Variants in COL11A2 observed in about 807,000 individuals in gnomAD.
The protein encoded by COL11A2 is collagen type XI alpha 2 chain.
In COL11A2, 116 loss-of-function variants were observed where a neutral mutation model predicts 273.4. That is an observed-to-expected ratio of 0.42 (90% CI 0.36 to 0.49). The LOEUF (loss-of-function observed/expected upper bound fraction) is 0.49. Among genes scored for constraint, COL11A2 ranks in the 20% least tolerant of loss-of-function variants. The pLI is 0.00. For missense variants in COL11A2, 1,866 were observed against 2,309.0 expected (o/e 0.81, Z 3.93); for synonymous variants, 782 against 864.2 (o/e 0.90, Z 1.67).
At position 33,176,710 on chromosome 6, in the gene COL11A2, G is replaced by T. The variant is rs761506326; in HGVS notation, c.2115+11C>A. 1.2e-5 allele frequency: 20 copies of T among 1,612,524 alleles called. No individual in the cohort carries two copies. The highest frequency in any genetic ancestry group is 1.7e-5 in the Non-Finnish European group (20 of 1,179,236). ...GACTCCCTCAGGGGATAAAGACATG[G>T]AAGATCTCACCTGGTTTCCTTTGGT... On this transcript the variant is annotated intron_variant, in intron 26 of 65. Transcript: ENST00000341947. The surrounding 1 kb of genome is among the most constrained non-coding windows in gnomAD (Gnocchi z 4.9).
In COL11A2 at chr6:33,166,402, C is replaced by T. The variant is rs1022709410; in HGVS notation, c.4392+111G>A. The T allele has an allele frequency of 7.3e-7, 1 of 1,375,710 alleles. No individual in the cohort carries two copies. The highest frequency in any genetic ancestry group is 1.4e-5 in the African/African-American group (1 of 70,024). The allele number at this position is 1,375,710 out of a possible 1,614,324, so 85.2% of individuals were successfully genotyped here. Reference sequence around the variant, plus strand: ...GGTGGTGACAGGACAAATGGGGGACCCTGAGGACTATGCTTGTTAGGCTGG... The same window carrying T: ...GGTGGTGACAGGACAAATGGGGGACTCTGAGGACTATGCTTGTTAGGCTGG... On this transcript the variant is annotated intron_variant, in intron 60 of 65. Coordinates refer to ENST00000341947, the MANE Select transcript of COL11A2 (RefSeq NM_080680.3). This position sits in a 1 kb window ranked among gnomAD's most constrained non-coding sequence, Gnocchi z 4.8.
Position 33,165,687 on chromosome 6 carries a change from C to A in COL11A2, c.4612G>T (p.Gly1538Trp), listed in dbSNP as rs745996561. 5.6e-6 allele frequency: 9 copies of A among 1,611,592 alleles called. No individual in the cohort carries two copies. Among genetic ancestry groups the A allele is most frequent in the Non-Finnish European group, 7.6e-6 (9 of 1,179,976 alleles). Residue 1538 changes from glycine (G) to tryptophan (W), a missense_variant, in exon 63 of 66, where the codon GGG (glycine) becomes TGG (tryptophan). By Grantham distance (184) the Gly-to-Trp change is radical. Transcript: ENST00000341947. This position sits in a 1 kb window ranked among gnomAD's most constrained non-coding sequence, Gnocchi z 7.7. ...IPTGGAPGSP[G>W]GLEEIFGSLD... ...GAGCCAAAGATCTCCTCCAGCCCCC[C>A]AGGACTGCCGGGGGCTCCCCCGGTC... is the stretch of plus-strand genomic sequence containing the variant.
In COL11A2 at chr6:33,174,181, C is replaced by A; in HGVS notation, c.2468G>T (p.Gly823Val). 1 of 1,582,830 alleles carries A rather than the reference C, an allele frequency of 6.3e-7. No homozygotes were observed. The highest frequency in any genetic ancestry group is 8.6e-7 in the Non-Finnish European group (1 of 1,164,078). The change falls in exon 32 of 66, where the codon GGA becomes GTA. Residue 823 changes from glycine (G) to valine (V), a missense_variant. Transcript: ENST00000341947. ...LGFPGFPGAS[G>V]EKGARGLSGK... is the part of the protein sequence containing the mutation. ...CCAGCTTACCCGGGCTCCCTTCTCT[C>A]CACTGGCACCAGGAAAGCCAGGAAA...
At chr6:33,193,067 G>A (rs1773348217), upstream of COL11A2, among the ~76,000 whole-genome samples, 3 of 152,104 alleles carry the variant, frequency 2.0e-5, no homozygotes, top group Admixed American at 2.0e-4. Flanking sequence ...TGCAAATGGG[G>A]GACGCGGTTA....
intron 30 of COL11A2, 108 bp from the exon 31 acceptor site, chr6:33,174,688 A>C (rs2150562185): frequency 2.1e-6 from 2 of 950,122 alleles, no homozygotes; most frequent in South Asian, 1.4e-5. Context: ...CCAGCAACAC[A>C]CCCCACACAC....
chr6:33,168,227 AC>A (rs1769465644), intron 54 of COL11A2, among the ~76,000 whole-genome samples: 1 of 152,022 alleles, frequency 6.6e-6, no homozygotes. Flanking sequence ...GAACCCAGGA[AC>A]AAACATGCCC....
Position 33,192,167 on chromosome 6 carries a change from C to T in COL11A2, c.74G>A (p.Gly25Asp), listed in dbSNP as rs1482152365. 3 of 1,558,574 alleles carry T rather than the reference C, an allele frequency of 1.9e-6. No homozygotes were observed. Among genetic ancestry groups the T allele is most frequent in the Non-Finnish European group, 2.6e-6 (3 of 1,150,948 alleles). The change falls in exon 1 of 66, where the codon GGC (glycine) becomes GAC (aspartate). Residue 25 changes from glycine to aspartate, a missense_variant. Physicochemically the swap from Gly to Asp is moderately conservative, Grantham distance 94 (BLOSUM62 -1). Coordinates refer to ENST00000341947, the MANE Select transcript of COL11A2 (RefSeq NM_080680.3). The part of the protein sequence containing the change: ...PLVLGLSAAP[G>D]WAGAPPVDVL... ...ATCAGGACTCCTCTTACCTGCCCAGCCTGGGGCCGCGCTCAGCCCCAGCAC... is the reference window on the plus strand; with the variant it reads ...ATCAGGACTCCTCTTACCTGCCCAGTCTGGGGCCGCGCTCAGCCCCAGCAC...
Position 33,164,405 on chromosome 6 carries a change from G to A in COL11A2, c.4932C>T (p.Ser1644=), listed in dbSNP as rs777459975. The A allele has an allele frequency of 1.0e-5, 16 of 1,603,388 alleles. No individual in the cohort carries two copies. Among genetic ancestry groups the A allele is most frequent in the South Asian group, 7.8e-5 (7 of 89,674 alleles). ...AGGAGACGTCCTGGTGGGCTGAGACGCTGAGCAGCCGCAGGAAGGTGAGCT... is the reference window on the plus strand; with the variant it reads ...AGGAGACGTCCTGGTGGGCTGAGACACTGAGCAGCCGCAGGAAGGTGAGCT... The part of the protein sequence containing the change: ...VVQLTFLRLL[S]VSAHQDVSYP... The change falls in exon 65 of 66, where the codon AGC becomes AGT. Residue 1644 remains serine (S), a synonymous_variant. Transcript: ENST00000341947. This position sits in a 1 kb window ranked among gnomAD's most constrained non-coding sequence, Gnocchi z 4.7.
chr6:33,170,923 G>A lies in COL11A2; in HGVS notation c.3367-6C>T, dbSNP rs1275650822. ...CCGGGCTCCCCATCTGCTCCCTGCA[G>A]GGTTGAGGGAAAGCAGAGACAAGGA... On this transcript the variant is annotated splice_polypyrimidine_tract_variant and splice_region_variant and intron_variant, in intron 45 of 65. Coordinates refer to ENST00000341947, the MANE Select transcript of COL11A2 (RefSeq NM_080680.3). The surrounding 1 kb of genome is among the most constrained non-coding windows in gnomAD (Gnocchi z 4.3). 1.2e-6 allele frequency: 2 copies of A among 1,612,138 alleles called. No homozygotes were observed. Among genetic ancestry groups the A allele is most frequent in the Non-Finnish European group, 1.7e-6 (2 of 1,179,610 alleles).
rs145960317 is a variant in COL11A2 at position 33,189,092 on chromosome 6, C to T, written c.329G>A (p.Arg110Gln). Residue 110 changes from arginine to glutamine, a missense_variant, in exon 3 of 66, where the codon CGA becomes CAA. Transcript: ENST00000341947. This position sits in a 1 kb window ranked among gnomAD's most constrained non-coding sequence, Gnocchi z 5.6. ...TCGGCCCAGCTCCAGGCCCAGCTGT[C>T]GGACACCCTGGGCACTGTAGAGAGT... is the stretch of plus-strand genomic sequence containing the variant. Reference protein sequence around the residue: ...LLTLYSAQGVRQLGLELGRPV... With the variant: ...LLTLYSAQGVQQLGLELGRPV... The T allele has an allele frequency of 4.2e-4, 678 of 1,614,164 alleles. 2 individuals carry two copies. The African/African-American group carries it at 5.1e-3, about 12-fold the overall frequency.
intron 12 of COL11A2, 133 bp downstream of exon 12, chr6:33,180,125 C>T (rs909013628): frequency 2.3e-5 from 23 of 998,414 alleles, no homozygotes; most frequent in Non-Finnish European, 3.3e-5. Flanking sequence ...AAAGACGAAT[C>T]CCTTTGGAGT....
chr6:33,185,171 G>T, intron 6 of COL11A2, 117 bp from the exon 7 acceptor site: 1 of 772,446 alleles, frequency 1.3e-6, no homozygotes, highest in Non-Finnish European at 2.3e-6. Flanking sequence ...CTGTGCTGGG[G>T]GATGGGGGAA....
chr6:33,173,723 G>A lies in COL11A2; in HGVS notation c.2606C>T (p.Pro869Leu). ...CACCCTCTCTCCAGGGGGCCCATGG[G>A]GGCCATCACCACCAGATGTTCCCTG... is the stretch of plus-strand genomic sequence containing the variant. ...GAKGTSGGDG[P>L]HGPPGERGLP... The change falls in exon 35 of 66, where the codon CCC becomes CTC. Residue 869 changes from proline (P) to leucine (L), a missense_variant. By Grantham distance (98) the Pro-to-Leu change is moderately conservative. Transcript: ENST00000341947. This position sits in a 1 kb window ranked among gnomAD's most constrained non-coding sequence, Gnocchi z 6.3. 1 of 1,579,828 alleles carries A rather than the reference G, an allele frequency of 6.3e-7. No individual in the cohort carries two copies. The highest frequency in any genetic ancestry group is 8.6e-7 in the Non-Finnish European group (1 of 1,161,430).
Position 33,169,264 on chromosome 6 carries a change from G to A in COL11A2, c.3798+119C>T, listed in dbSNP as rs1769682058. 2.1e-6 allele frequency: 2 copies of A among 951,882 alleles called. No individual in the cohort carries two copies. Among genetic ancestry groups the A allele is most frequent in the Non-Finnish European group, 3.2e-6 (2 of 616,434 alleles). 59.0% of individuals were successfully genotyped at this position (951,882 alleles called of 1,614,324 possible). On this transcript the variant is annotated intron_variant, in intron 51 of 65. Transcript: ENST00000341947. The surrounding 1 kb of genome is among the most constrained non-coding windows in gnomAD (Gnocchi z 5.5). ...TCCCTCTGGATGCCCCATTCCCAGA[G>A]CATCCCCCAAACTCCCGGGCTCCCC...
At chr6:33,180,527 T>C in intron 11 of COL11A2, 141 bp downstream of exon 11, 1 of 959,306 alleles carries the variant, frequency 1.0e-6, no homozygotes, top group Non-Finnish European at 1.6e-6. Flanking sequence ...TCTGCCCTCC[T>C]TTCTGGTTGC....
Position 33,173,451 on chromosome 6 carries a change from G to C in COL11A2, c.2683-50C>G. 1 of 1,612,458 alleles carries C rather than the reference G, an allele frequency of 6.2e-7. No homozygotes were observed. Among genetic ancestry groups the C allele is most frequent in the South Asian group, 1.1e-5 (1 of 91,026 alleles). On this transcript the variant is annotated intron_variant, in intron 36 of 65. Coordinates refer to ENST00000341947, the MANE Select transcript of COL11A2 (RefSeq NM_080680.3). The surrounding 1 kb of genome is among the most constrained non-coding windows in gnomAD (Gnocchi z 6.3). ...GAACTCTCAGCTGGAAAGCAGGTAGGGAAGAAGGACTCAGAGAAGCGAGGT... is the reference window on the plus strand; with the variant it reads ...GAACTCTCAGCTGGAAAGCAGGTAGCGAAGAAGGACTCAGAGAAGCGAGGT...
rs746139057 is a variant in COL11A2 at position 33,172,094 on chromosome 6, C to T, written c.2998G>A (p.Gly1000Ser). The T allele has an allele frequency of 1.9e-6, 3 of 1,612,858 alleles. No individual in the cohort carries two copies. Among genetic ancestry groups the T allele is most frequent in the Non-Finnish European group, 2.5e-6 (3 of 1,180,008 alleles). The change falls in exon 41 of 66, where the codon GGT becomes AGT. Residue 1000 changes from glycine (G) to serine (S), a missense_variant. Transcript: ENST00000341947. Reference sequence around the variant, plus strand: ...GACGGACCTTCATTCCCCTTCAAACCAGGTCCACCCTATGAACCAGACATT... The same window carrying T: ...GACGGACCTTCATTCCCCTTCAAACTAGGTCCACCCTATGAACCAGACATT... Reference protein sequence around the residue: ...RGLPGTAGGPGLKGNEGPSGP... With the variant: ...RGLPGTAGGPSLKGNEGPSGP...
In COL11A2 at chr6:33,176,465, G is replaced by T; in HGVS notation, c.2137C>A (p.Pro713Thr). Reference protein sequence around the residue: ...GNQGPSGPQGPLGYPGPRGVK... With the variant: ...GNQGPSGPQGTLGYPGPRGVK... Reference sequence around the variant, plus strand: ...CCTCGAGGTCCTGGGTATCCTAGAGGTCCCTGAGGTCCAGAGGGACCCTGG... The same window carrying T: ...CCTCGAGGTCCTGGGTATCCTAGAGTTCCCTGAGGTCCAGAGGGACCCTGG... The change falls in exon 27 of 66, where the codon CCT becomes ACT. Residue 713 changes from proline to threonine, a missense_variant. Physicochemically the swap from Pro to Thr is conservative, Grantham distance 38. Transcript: ENST00000341947. This position sits in a 1 kb window ranked among gnomAD's most constrained non-coding sequence, Gnocchi z 4.9. 1 of 1,612,514 alleles carries T rather than the reference G, an allele frequency of 6.2e-7. No homozygotes were observed. Among genetic ancestry groups the T allele is most frequent in the South Asian group, 1.1e-5 (1 of 91,006 alleles).
At position 33,190,673 on chromosome 6, in the gene COL11A2, G is replaced by A. The variant is rs144150509; in HGVS notation, c.83-1204C>T. On this transcript the variant is annotated intron_variant, in intron 1 of 65. Coordinates refer to ENST00000341947, the MANE Select transcript of COL11A2 (RefSeq NM_080680.3). The surrounding 1 kb of genome is among the most constrained non-coding windows in gnomAD (Gnocchi z 4.5). ...TTGAGTCCAGGAGCCGGGAAACCAC[G>A]GCCTTCCCCCCCAACCCCCACCTAA... is the stretch of plus-strand genomic sequence containing the variant. Among the ~76,000 whole-genome samples, 85 of 152,154 alleles carry A rather than the reference G, an allele frequency of 5.6e-4. No individual in the cohort carries two copies. The highest frequency in any genetic ancestry group is 2.0e-3 in the African/African-American group (81 of 41,486).
Sources: gnomAD v4.1 joint callset for allele counts (sites outside exome capture counted in the v4.1 genomes callset) on GRCh38, gnomAD v4.1.1 for gene constraint, Gnocchi (gnomAD v3.1) non-coding constraint, MANE v1.5 for transcripts, NCBI Gene and HGNC (gene_info 2026-07-23, HGNC 2026-07-21) for gene names.